The following PPARGC1A variants were observed in gnomAD, a reference collection of about 807,000 sequenced individuals.
The protein encoded by PPARGC1A is peroxisome proliferator-activated receptor gamma coactivator 1-alpha.
Under a neutral mutation model 88.7 loss-of-function variants are expected in PPARGC1A, and 25 were observed. The observed-to-expected ratio is 0.28, with a 90% CI of 0.21 to 0.39. The LOEUF (loss-of-function observed/expected upper bound fraction) is 0.39, where lower values mean the gene tolerates loss of function less well. PPARGC1A is among the 10% of genes least tolerant of loss of function. PPARGC1A has a pLI of 1.00. For synonymous variants in PPARGC1A, 363 were observed against 355.6 expected, an observed-to-expected ratio of 1.02 and a Z score of -0.24; for missense variants, 880 against 968.7, an observed-to-expected ratio of 0.91 and a Z score of 1.22.
At chr4:23,855,645 A>G (rs1417392497) in intron 2 of PPARGC1A, among the ~76,000 whole-genome samples, 1 of 152,232 alleles carries the variant, frequency 6.6e-6, no homozygotes, top group Non-Finnish European at 1.5e-5. Flanking sequence ...AAGTAATGAT[A>G]CTGGGTTAGT....
chr4:23,946,469 A>C, the PPARGC1A span, among the ~76,000 whole-genome samples: 1 of 152,060 alleles, frequency 6.6e-6, no homozygotes, highest in East Asian at 1.9e-4. Context: ...CCGCTTGAAG[A>C]ATGGCCTCGC....
At chr4:23,801,674 C>T in intron 12 of PPARGC1A, 56 bp downstream of exon 12, 1 of 1,586,122 alleles carries the variant, frequency 6.3e-7, no homozygotes, top group South Asian at 1.1e-5. Flanking sequence ...TATGTTTGTT[C>T]CCATCTTGAG....
the PPARGC1A span, among the ~76,000 whole-genome samples, chr4:24,427,344 A>C: frequency 2.7e-5 from 4 of 148,742 alleles, no homozygotes; most frequent in East Asian, 8.0e-4. Flanking sequence ...GCAGTGATGT[A>C]ATCTCAGCTC....
the PPARGC1A span, among the ~76,000 whole-genome samples, chr4:24,233,585 TACACACACACACACAC>T: frequency 0.01 from 1,495 of 149,310 alleles, 29 homozygotes; most frequent in African/African-American, 0.034. Context: ...CACAAACACA[TACACACACACACACAC>T]ACACACACAC....
At chr4:24,395,818 A>C in the PPARGC1A span, among the ~76,000 whole-genome samples, 2 of 152,206 alleles carry the variant, frequency 1.3e-5, no homozygotes, top group Non-Finnish European at 2.9e-5. Context: ...TGTAAGTGGC[A>C]GGGCCTGGAA....
At chr4:24,420,320 TTTTAA>T in the PPARGC1A span, among the ~76,000 whole-genome samples, 5 of 152,240 alleles carry the variant, frequency 3.3e-5, no homozygotes, top group Non-Finnish European at 5.9e-5. Flanking sequence ...GATGTGCTTT[TTTTAA>T]TTTAAAGTTT....
chr4:23,881,367 A>G (rs967926613), intron 2 of PPARGC1A: 1 of 152,160 alleles, frequency 6.6e-6, no homozygotes, highest in Non-Finnish European at 1.5e-5. Flanking sequence ...TTGCGTGTCC[A>G]GTTACTCAAC....
At chr4:24,465,906 G>T in the PPARGC1A span, among the ~76,000 whole-genome samples, 1 of 152,184 alleles carries the variant, frequency 6.6e-6, no homozygotes, top group Admixed American at 6.5e-5. Flanking sequence ...AGCGGAAAGT[G>T]ACACGGATTA....
chr4:24,067,245 C>G, the PPARGC1A span, among the ~76,000 whole-genome samples: 1 of 150,778 alleles, frequency 6.6e-6, no homozygotes, highest in South Asian at 2.1e-4. Flanking sequence ...ATTCAATTTT[C>G]AAAGCATTTA....
chr4:24,174,053 A>T, the PPARGC1A span, among the ~76,000 whole-genome samples: 1 of 152,226 alleles, frequency 6.6e-6, no homozygotes, highest in Non-Finnish European at 1.5e-5. Flanking sequence ...TGTCAAAGAA[A>T]GGCAGCTGAG....
the PPARGC1A span, among the ~76,000 whole-genome samples, chr4:23,990,021 G>C: frequency 1.4e-5 from 2 of 138,542 alleles, no homozygotes; most frequent in African/African-American, 5.8e-5. Context: ...CTTATATATA[G>C]ATATGTATAT....
At chr4:24,191,902 G>C in the PPARGC1A span, among the ~76,000 whole-genome samples, 1 of 152,158 alleles carries the variant, frequency 6.6e-6, no homozygotes, top group Non-Finnish European at 1.5e-5. Context: ...GAAGCAAAAA[G>C]CTTGGGCTCA....
chr4:24,291,529 T>C, the PPARGC1A span, among the ~76,000 whole-genome samples: 1 of 152,178 alleles, frequency 6.6e-6, no homozygotes, highest in Non-Finnish European at 1.5e-5. Flanking sequence ...CCATTTAATC[T>C]TCACGAAAAT....
At chr4:23,997,721 A>G in the PPARGC1A span, among the ~76,000 whole-genome samples, 1 of 151,850 alleles carries the variant, frequency 6.6e-6, no homozygotes, top group African/African-American at 2.4e-5. Context: ...TGAACTCCGA[A>G]GCTCAGGCAA....
At chr4:23,938,595 T>G in the PPARGC1A span, among the ~76,000 whole-genome samples, 14 of 152,108 alleles carry the variant, frequency 9.2e-5, no homozygotes, top group Admixed American at 2.0e-4. Context: ...TTCTTGAAGA[T>G]TCACAGTGTA....
chr4:24,246,482 G>A, the PPARGC1A span, among the ~76,000 whole-genome samples: 2 of 152,140 alleles, frequency 1.3e-5, no homozygotes, highest in Non-Finnish European at 2.9e-5. Context: ...GGGCGTGGTG[G>A]TGCCTATCTG....
chr4:23,982,978 C>G, the PPARGC1A span, among the ~76,000 whole-genome samples: 1 of 152,128 alleles, frequency 6.6e-6, no homozygotes, highest in Non-Finnish European at 1.5e-5. Flanking sequence ...CCCTTTTTTA[C>G]ACACTGTCTA....
rs752387695 is a variant in PPARGC1A, at chr4:23,884,853, C to G, written c.133G>C (p.Asp45His). ...CCCAGAAAGCTGTCTGTATCCAAGT[C>G]GTTCACATCTAGTTCAGAAAGATCA... Reference protein sequence around the residue: ...ELDLSELDVNDLDTDSFLGGL... With the variant: ...ELDLSELDVNHLDTDSFLGGL... The change falls in exon 2 of 13, where the codon GAC becomes CAC. Residue 45 changes from aspartate (D) to histidine (H), a missense_variant. Physicochemically the swap from Asp to His is moderately conservative, Grantham distance 81. Coordinates refer to ENST00000264867, the MANE Select transcript of PPARGC1A (RefSeq NM_013261.5). The G allele has an allele frequency of 3.1e-6, 5 of 1,613,786 alleles. No homozygotes were observed. The highest frequency in any genetic ancestry group is 4.2e-6 in the Non-Finnish European group (5 of 1,179,860).
At chr4:24,337,112 G>T in the PPARGC1A span, among the ~76,000 whole-genome samples, 25,626 of 152,038 alleles carry the variant, frequency 0.17, 2,279 homozygotes, top group Non-Finnish European at 0.19. Flanking sequence ...ACCACACTAA[G>T]AATCGTTCTT....
Sources: gnomAD v4.1 joint callset for allele counts (sites outside exome capture counted in the v4.1 genomes callset) on GRCh38, gnomAD v4.1.1 for gene constraint, MANE v1.5 for transcripts, NCBI Gene and HGNC (gene_info 2026-07-23, HGNC 2026-07-21) for gene names.